Variants in ARL6IP5 observed in about 807,000 individuals in gnomAD.
The protein encoded by ARL6IP5 is PRA1 family protein 3.
A neutral mutation model predicts 13.0 loss-of-function variants in ARL6IP5; 6 were observed. That is an observed-to-expected ratio of 0.46 (90% CI 0.25 to 0.91). The LOEUF (loss-of-function observed/expected upper bound fraction) is 0.91. Ranked by LOEUF, ARL6IP5 falls within the 40% of genes least tolerant of loss-of-function variation. The pLI, the probability that ARL6IP5 is intolerant of heterozygous loss-of-function variation, is 0.17. For synonymous variants in ARL6IP5, 91 were observed against 91.9 expected (o/e 0.99, Z 0.06); for missense variants, 208 against 248.8 (o/e 0.84, Z 1.10).
chr3:69,085,012 C>G lies in ARL6IP5; in HGVS notation c.-36C>G. On this transcript the variant is annotated 5_prime_UTR_variant, in exon 1 of 3. Coordinates refer to ENST00000273258, the MANE Select transcript of ARL6IP5 (RefSeq NM_006407.4). ...TGATCGGTTGCCGCCGCCGCCGCCGCCAGATTCTGGAGGCGAAGAACGCAA... is the reference window on the plus strand; with the variant it reads ...TGATCGGTTGCCGCCGCCGCCGCCGGCAGATTCTGGAGGCGAAGAACGCAA... 6.2e-7 allele frequency: 1 copy of G among 1,601,598 alleles called. No individual in the cohort carries two copies. Among genetic ancestry groups the G allele is most frequent in the East Asian group, 2.2e-5 (1 of 44,744 alleles).
intron 1 of ARL6IP5, among the ~76,000 whole-genome samples, chr3:69,090,925 G>T (rs1025657974): frequency 6.6e-6 from 1 of 152,198 alleles, no homozygotes; most frequent in Non-Finnish European, 1.5e-5. Flanking sequence ...GGCTGGACAT[G>T]ATGGCTCACG....
At chr3:69,088,874 A>G (rs1161828988) in intron 1 of ARL6IP5, among the ~76,000 whole-genome samples, 1 of 152,228 alleles carries the variant, frequency 6.6e-6, no homozygotes, top group East Asian at 1.9e-4. Context: ...AACAAAGGCA[A>G]CACCTAATGA....
intron 1 of ARL6IP5, among the ~76,000 whole-genome samples, chr3:69,101,350 T>A (rs1464026594): frequency 3.5e-5 from 5 of 143,478 alleles, no homozygotes. Context: ...TGAGATAAGG[T>A]CTCACTCTGT....
intron 1 of ARL6IP5, among the ~76,000 whole-genome samples, chr3:69,091,006 G>A (rs12494431): frequency 3.7e-4 from 57 of 152,156 alleles, no homozygotes; most frequent in South Asian, 4.1e-4. Flanking sequence ...AGACCAGCCC[G>A]GGCAACATGG....
Position 69,099,139 on chromosome 3 carries a change from G to C in ARL6IP5, c.177-2700G>C, listed in dbSNP as rs1003285259. Reference sequence around the variant, plus strand: ...TGGGAGGCTGAGGGGCGGGGGGGGTGGGGGGTGGATCACATGAGGTCAGGA... The same window carrying C: ...TGGGAGGCTGAGGGGCGGGGGGGGTCGGGGGTGGATCACATGAGGTCAGGA... On this transcript the variant is annotated intron_variant, in intron 1 of 2. Transcript: ENST00000273258. Among the ~76,000 whole-genome samples, 22 of 40,624 alleles carry C rather than the reference G, an allele frequency of 5.4e-4. 1 individual carries two copies. The highest frequency in any genetic ancestry group is 3.7e-3 in the African/African-American group (18 of 4,890). The allele number at this position is 40,624 out of a possible 152,430, so 26.7% of individuals were successfully genotyped here.
At position 69,105,066 on chromosome 3, in the gene ARL6IP5, T is replaced by C. The variant is rs1023469916; in HGVS notation, c.*430T>C. 32 of 571,806 alleles carry C rather than the reference T, an allele frequency of 5.6e-5. No individual in the cohort carries two copies. The highest frequency in any genetic ancestry group is 9.5e-5 in the Non-Finnish European group (31 of 324,886). 35.4% of individuals were successfully genotyped at this position (571,806 alleles called of 1,614,324 possible). On this transcript the variant is annotated 3_prime_UTR_variant, in exon 3 of 3. Coordinates refer to ENST00000273258, the MANE Select transcript of ARL6IP5 (RefSeq NM_006407.4). ...ATGTGTTAGCCTGTTCCTAATCCCC[T>C]AGAATTGTAATGTGTGGGATATAAA...
chr3:69,085,207 A>G lies in ARL6IP5; in HGVS notation c.160A>G (p.Met54Val), dbSNP rs765981304. Reference protein sequence around the residue: ...QTNYLVVAAMMISIVGFLSPF... With the variant: ...QTNYLVVAAMVISIVGFLSPF... ...CAACTACCTGGTGGTGGCTGCCATGATGATTTCCATTGTGGGGTAAGTGGG... is the reference window on the plus strand; with the variant it reads ...CAACTACCTGGTGGTGGCTGCCATGGTGATTTCCATTGTGGGGTAAGTGGG... The change falls in exon 1 of 3, where the codon ATG becomes GTG. Residue 54 changes from methionine (M) to valine (V), a missense_variant. Coordinates refer to ENST00000273258, the MANE Select transcript of ARL6IP5 (RefSeq NM_006407.4). 3 of 1,613,744 alleles carry G rather than the reference A, an allele frequency of 1.9e-6. No homozygotes were observed. The highest frequency in any genetic ancestry group is 2.5e-6 in the Non-Finnish European group (3 of 1,179,752).
At chr3:69,095,500 G>T (rs967733216) in intron 1 of ARL6IP5, among the ~76,000 whole-genome samples, 2 of 148,518 alleles carry the variant, frequency 1.3e-5, no homozygotes, top group African/African-American at 5.0e-5. Context: ...ACCATCCCTC[G>T]TTCTTTTTTT....
In ARL6IP5 at chr3:69,085,232, GGTCCCCCTAC is replaced by G. The variant is rs777893041; in HGVS notation, c.176+10_176+19del. 6.2e-7 allele frequency: 1 copy of G among 1,609,208 alleles called. No homozygotes were observed. Among genetic ancestry groups the G allele is most frequent in the African/African-American group, 1.3e-5 (1 of 74,962 alleles). On this transcript the variant is annotated intron_variant, in intron 1 of 2. Transcript: ENST00000273258. ...ATGATTTCCATTGTGGGGTAAGTGG[GGTCCCCCTAC>G]CCGGGACACCGATCCGGGGCGAGCA...
At chr3:69,102,774 G>A (rs1403820047) in intron 2 of ARL6IP5, among the ~76,000 whole-genome samples, 5 of 152,166 alleles carry the variant, frequency 3.3e-5, no homozygotes, top group African/African-American at 1.2e-4. Context: ...ACTTGCTCAG[G>A]AGATCATAAC....
chr3:69,100,369 C>T lies in ARL6IP5; in HGVS notation c.177-1470C>T, dbSNP rs563110652. On this transcript the variant is annotated intron_variant, in intron 1 of 2. Coordinates refer to ENST00000273258, the MANE Select transcript of ARL6IP5 (RefSeq NM_006407.4). ...ATTGGTAACTCATCTCCTAATGATACTTTGGGCATTTTAAAACACTTATAA... is the reference window on the plus strand; with the variant it reads ...ATTGGTAACTCATCTCCTAATGATATTTTGGGCATTTTAAAACACTTATAA... 2.6e-5 allele frequency among the ~76,000 whole-genome samples: 4 copies of T among 152,298 alleles called. No homozygotes were observed. The South Asian group carries it at 8.3e-4, about 32-fold the overall frequency.
intron 1 of ARL6IP5, among the ~76,000 whole-genome samples, chr3:69,101,462 A>G (rs1481861037): frequency 2.6e-5 from 4 of 151,752 alleles, no homozygotes; most frequent in African/African-American, 7.3e-5. Context: ...AGCTGGGAAC[A>G]CAGGTGTGTG....
intron 1 of ARL6IP5, among the ~76,000 whole-genome samples, chr3:69,094,920 C>T (rs1381971062): frequency 6.6e-6 from 1 of 152,014 alleles, no homozygotes; most frequent in Non-Finnish European, 1.5e-5. Flanking sequence ...TGTGGTAAAA[C>T]TATAGACATA....
At chr3:69,086,722 CTTTTT>C (rs1207661746) in intron 1 of ARL6IP5, among the ~76,000 whole-genome samples, 1 of 132,440 alleles carries the variant, frequency 7.6e-6, no homozygotes, top group Non-Finnish European at 1.6e-5. Context: ...TAAAAAATTT[CTTTTT>C]TTTTTTTTTT....
Position 69,085,153 on chromosome 3 carries a change from G to A in ARL6IP5, c.106G>A (p.Val36Ile). The A allele has an allele frequency of 6.2e-7, 1 of 1,614,224 alleles. No homozygotes were observed. The highest frequency in any genetic ancestry group is 8.5e-7 in the Non-Finnish European group (1 of 1,180,032). Residue 36 changes from valine (V) to isoleucine (I), a missense_variant, in exon 1 of 3, where the codon GTA becomes ATA. Coordinates refer to ENST00000273258, the MANE Select transcript of ARL6IP5 (RefSeq NM_006407.4). Reference sequence around the variant, plus strand: ...GGACATTTCCAAATGGAACAACCGCGTAGTGAGCAACCTGCTCTATTACCA... The same window carrying A: ...GGACATTTCCAAATGGAACAACCGCATAGTGAGCAACCTGCTCTATTACCA... ...FRDISKWNNR[V>I]VSNLLYYQTN... is the part of the protein sequence containing the mutation.
At chr3:69,093,612 A>G (rs939686875) in intron 1 of ARL6IP5, among the ~76,000 whole-genome samples, 1 of 151,986 alleles carries the variant, frequency 6.6e-6, no homozygotes, top group Non-Finnish European at 1.5e-5. Context: ...AAAATGTAAA[A>G]ATTAGCTGGG....
intron 1 of ARL6IP5, among the ~76,000 whole-genome samples, chr3:69,087,297 T>C (rs1453340946): frequency 6.6e-6 from 1 of 151,830 alleles, no homozygotes; most frequent in Non-Finnish European, 1.5e-5. Context: ...AGGCGGGGGC[T>C]ACTGTGCCTG....
chr3:69,101,911 A>C lies in ARL6IP5; in HGVS notation c.249A>C (p.Ala83=). The change falls in exon 2 of 3, where the codon GCA becomes GCC. Residue 83 remains alanine, a synonymous_variant. Transcript: ENST00000273258. ...VVLVFTGFVW[A]AHNKDVLRRM... ...TGGTGTTCACAGGGTTTGTGTGGGC[A>C]GCCCACAATAAAGACGTCCTTCGCC... The C allele has an allele frequency of 6.2e-7, 1 of 1,614,094 alleles. No individual in the cohort carries two copies. Among genetic ancestry groups the C allele is most frequent in the South Asian group, 1.1e-5 (1 of 91,070 alleles).
intron 1 of ARL6IP5, chr3:69,089,782 A>G (rs1224151430): frequency 2.2e-6 from 1 of 456,652 alleles, no homozygotes; most frequent in Non-Finnish European, 4.4e-6. Flanking sequence ...ATGTATTCTT[A>G]TGTATATACA....
Sources: allele counts gnomAD v4.1 joint callset (sites outside exome capture counted in the v4.1 genomes callset), GRCh38; gene constraint gnomAD v4.1.1; transcripts MANE v1.5; gene names NCBI Gene and HGNC (gene_info 2026-07-23, HGNC 2026-07-21).